The following FHIT variants were observed in gnomAD, a reference collection of about 807,000 sequenced individuals.
FHIT encodes the protein fragile histidine triad diadenosine triphosphatase.
A neutral mutation model predicts 17.9 loss-of-function variants in FHIT; 19 were observed. The ratio of observed to expected loss-of-function variants is 1.06; its 90% CI spans 0.74 to 1.56. FHIT has a LOEUF of 1.56. Ranked by LOEUF, FHIT falls within the 40% of genes most tolerant of loss-of-function variation. FHIT has a pLI of 0.00. For missense variants in FHIT, 248 were observed against 189.2 expected, an observed-to-expected ratio of 1.31 and a Z score of -1.82; for synonymous variants, 81 against 69.7, an observed-to-expected ratio of 1.16 and a Z score of -0.81.
intron 3 of FHIT, among the ~76,000 whole-genome samples, chr3:60,868,966 C>A (rs1337238606): frequency 1.3e-5 from 2 of 152,078 alleles, no homozygotes; most frequent in African/African-American, 4.8e-5. Flanking sequence ...ATGTTTCAGT[C>A]TTTGGCCTTT....
chr3:60,107,512 C>G (rs1246171243), intron 5 of FHIT, among the ~76,000 whole-genome samples: 1 of 152,078 alleles, frequency 6.6e-6, no homozygotes, highest in Non-Finnish European at 1.5e-5. Flanking sequence ...GATGGGTGGA[C>G]TTTTATAGGA....
intron 5 of FHIT, among the ~76,000 whole-genome samples, chr3:60,147,709 G>A (rs1700300407): frequency 6.6e-6 from 1 of 152,172 alleles, no homozygotes; most frequent in African/African-American, 2.4e-5. Flanking sequence ...TAAGAATAAA[G>A]GAGTTGAGTT....
intron 8 of FHIT, among the ~76,000 whole-genome samples, chr3:59,840,978 C>G (rs1701513426): frequency 6.6e-6 from 1 of 152,136 alleles, no homozygotes; most frequent in African/African-American, 2.4e-5. Flanking sequence ...TTTCCACATT[C>G]TATTAAAACA....
chr3:60,479,427 G>T (rs950228420), intron 5 of FHIT, among the ~76,000 whole-genome samples: 4 of 152,154 alleles, frequency 2.6e-5, no homozygotes, highest in African/African-American at 9.7e-5. Flanking sequence ...GATATATGAT[G>T]GTGGTCCTAT....
intron 8 of FHIT, among the ~76,000 whole-genome samples, chr3:59,854,135 T>TCA (rs1382242998): frequency 6.6e-6 from 1 of 152,190 alleles, no homozygotes; most frequent in African/African-American, 2.4e-5. Flanking sequence ...TTGATTGGTA[T>TCA]CAAAAGTCGT....
intron 2 of FHIT, among the ~76,000 whole-genome samples, chr3:61,169,522 T>G (rs1207262708): frequency 6.6e-6 from 1 of 152,226 alleles, no homozygotes; most frequent in African/African-American, 2.4e-5. Context: ...TCAAAATCTA[T>G]CTTTAAAAAC....
intron 2 of FHIT, among the ~76,000 whole-genome samples, chr3:61,127,718 AT>A (rs148054907): frequency 0.23 from 35,393 of 151,124 alleles, 4,242 homozygotes; most frequent in African/African-American, 0.28. Flanking sequence ...TACAAAAAAT[AT>A]TTTTTTTTGT....
intron 3 of FHIT, among the ~76,000 whole-genome samples, chr3:60,861,461 C>T (rs1372171555): frequency 6.6e-6 from 1 of 150,968 alleles, no homozygotes; most frequent in Non-Finnish European, 1.5e-5. Context: ...CTGCTAGATG[C>T]CAGTAGTAAC....
At chr3:60,603,653 C>T (rs1553669712) in intron 4 of FHIT, among the ~76,000 whole-genome samples, 5 of 152,106 alleles carry the variant, frequency 3.3e-5, no homozygotes, top group Non-Finnish European at 1.5e-5. Flanking sequence ...CACCACTTTT[C>T]TGACACAGTG....
At chr3:60,183,085 A>G (rs1394499161) in intron 5 of FHIT, among the ~76,000 whole-genome samples, 2 of 152,068 alleles carry the variant, frequency 1.3e-5, no homozygotes, top group African/African-American at 2.4e-5. Flanking sequence ...TCAAACAGGT[A>G]AAATATCTTG....
At chr3:59,813,421 CTGTT>C (rs1428727618) in intron 8 of FHIT, among the ~76,000 whole-genome samples, 14 of 152,308 alleles carry the variant, frequency 9.2e-5, no homozygotes, top group Admixed American at 2.0e-4. Flanking sequence ...AAGAAGGCGA[CTGTT>C]TGTGCTCCCA....
Position 60,349,336 on chromosome 3 carries a change from T to C in FHIT, c.103+187524A>G, listed in dbSNP as rs566288318. The stretch of plus-strand genomic sequence containing the variant: ...GAAGATTCCATGATTTCAAGCTGTT[T>C]ACGGATTTTGTGAGAAGGACAGACA... On this transcript the variant is annotated intron_variant, in intron 5 of 9. Transcript: ENST00000492590. 5.3e-5 allele frequency among the ~76,000 whole-genome samples: 8 copies of C among 152,256 alleles called. No individual in the cohort carries two copies. The South Asian group carries it at 6.2e-4, about 12-fold the overall frequency.
intron 7 of FHIT, among the ~76,000 whole-genome samples, chr3:60,002,842 C>A (rs1371153406): frequency 1.3e-5 from 2 of 152,068 alleles, no homozygotes. Context: ...GAATCAAGTC[C>A]AGGTCATCTA....
chr3:60,182,785 T>G (rs771480197), intron 5 of FHIT, among the ~76,000 whole-genome samples: 15 of 151,686 alleles, frequency 9.9e-5, no homozygotes, highest in Non-Finnish European at 2.1e-4. Flanking sequence ...CCTGTCTTGA[T>G]CAATCAATCA....
chr3:60,078,315 T>C (rs995256971), intron 5 of FHIT, among the ~76,000 whole-genome samples: 1 of 152,128 alleles, frequency 6.6e-6, no homozygotes, highest in African/African-American at 2.4e-5. Flanking sequence ...AGCATCAGTG[T>C]CTCCTGATAT....
intron 4 of FHIT, among the ~76,000 whole-genome samples, chr3:60,694,846 C>T (rs1314510168): frequency 6.6e-6 from 1 of 151,844 alleles, no homozygotes; most frequent in Non-Finnish European, 1.5e-5. Context: ...TTCTCACTCA[C>T]AGGTGGGAAC....
chr3:61,091,762 C>G (rs1412556328), intron 2 of FHIT, among the ~76,000 whole-genome samples: 1 of 151,272 alleles, frequency 6.6e-6, no homozygotes. Context: ...AGCCTGGACA[C>G]CATGGCAAAA....
chr3:60,232,178 A>G lies in FHIT; in HGVS notation c.104-218026T>C, dbSNP rs116639032. ...ACACTGTCCCTGTAAGAACACTCTC[A>G]TTTTTCAAGTCCTGCATCATATTTC... On this transcript the variant is annotated intron_variant, in intron 5 of 9. Transcript: ENST00000492590. Among the ~76,000 whole-genome samples the G allele has an allele frequency of 5.7e-3, 861 of 152,148 alleles. 8 individuals carry two copies. The highest frequency in any genetic ancestry group is 0.019 in the African/African-American group (790 of 41,500).
At chr3:60,395,167 G>C (rs550902446) in intron 5 of FHIT, among the ~76,000 whole-genome samples, 273 of 152,324 alleles carry the variant, frequency 1.8e-3, no homozygotes, top group Non-Finnish European at 3.4e-3. Context: ...AGATTTGACA[G>C]CTGGTGGTGC....
Sources: allele counts gnomAD v4.1 joint callset (sites outside exome capture counted in the v4.1 genomes callset), GRCh38; gene constraint gnomAD v4.1.1; transcripts MANE v1.5; gene names NCBI Gene and HGNC (gene_info 2026-07-23, HGNC 2026-07-21).